KIF14: variants seen among roughly 807,000 people sequenced by gnomAD.
KIF14 encodes the protein kinesin-like protein KIF14.
Under a neutral mutation model 176.2 loss-of-function variants are expected in KIF14, and 98 were observed. The ratio of observed to expected loss-of-function variants is 0.56; its 90% CI spans 0.47 to 0.66. The LOEUF (loss-of-function observed/expected upper bound fraction) is 0.66. KIF14 is among the 30% of genes least tolerant of loss of function. The probability of loss-of-function intolerance (pLI) is 0.00; values close to 1 mark genes in which losing one functional copy is unlikely to be tolerated. For synonymous variants in KIF14, 566 were observed against 632.2 expected, an observed-to-expected ratio of 0.90 and a Z score of 1.57; for missense variants, 1,751 against 1,920.4, an observed-to-expected ratio of 0.91 and a Z score of 1.65.
chr1:200,560,798 A>C lies in KIF14; in HGVS notation c.4154T>G (p.Val1385Gly), dbSNP rs1192031469. ...IQIVQQAVKY[V>G]GQLAVLKGSK... ...CCCTTTCAGAACTGCTAACTGCCCC[A>C]CATACTTTACAGCTTGTTGTACAAT... Residue 1385 changes from valine to glycine, a missense_variant, in exon 26 of 30, where the codon GTG (valine) becomes GGG (glycine). Coordinates refer to ENST00000367350, the MANE Select transcript of KIF14 (RefSeq NM_014875.3). The C allele has an allele frequency of 6.2e-7, 1 of 1,614,158 alleles. No homozygotes were observed.
chr1:200,618,655 A>AT lies in KIF14; in HGVS notation c.68dup (p.Asn23LysfsTer2). 6.2e-7 allele frequency: 1 copy of AT among 1,613,742 alleles called. No individual in the cohort carries two copies. The highest frequency in any genetic ancestry group is 1.7e-5 in the Admixed American group (1 of 60,018). On this transcript the variant is annotated frameshift_variant, in exon 2 of 30. Coordinates refer to ENST00000367350, the MANE Select transcript of KIF14 (RefSeq NM_014875.3). LOFTEE classifies it high-confidence loss of function. ...GGGTGAGGGCATTCAGTGATGAACTATTTTGGGAAGAAGGAATATCAAGAA... is the reference window on the plus strand; with the variant it reads ...GGGTGAGGGCATTCAGTGATGAACTATTTTTGGGAAGAAGGAATATCAAGAA...
chr1:200,619,418 C>A (rs1165124140), intron 1 of KIF14, among the ~76,000 whole-genome samples: 1 of 151,892 alleles, frequency 6.6e-6, no homozygotes, highest in Non-Finnish European at 1.5e-5. Flanking sequence ...AGTGGCACGA[C>A]CTTGGCTTGC....
intron 4 of KIF14, among the ~76,000 whole-genome samples, chr1:200,610,855 T>G (rs1039507721): frequency 6.6e-6 from 1 of 152,028 alleles, no homozygotes; most frequent in Admixed American, 6.6e-5. Context: ...ATGTGAGGCA[T>G]GAGAGACAGA....
chr1:200,612,479 A>G (rs1660203110), intron 4 of KIF14, among the ~76,000 whole-genome samples: 1 of 152,180 alleles, frequency 6.6e-6, no homozygotes, highest in African/African-American at 2.4e-5. Context: ...TGGAGAGCCA[A>G]TAGAGAACTC....
chr1:200,590,610 G>A (rs1303128299), intron 16 of KIF14, among the ~76,000 whole-genome samples: 1 of 152,134 alleles, frequency 6.6e-6, no homozygotes, highest in South Asian at 2.1e-4. Context: ...TAAAAAAGAA[G>A]GTTAGTGGAT....
Position 200,565,464 on chromosome 1 carries a change from A to T in KIF14, c.3867T>A (p.Asp1289Glu). ...GCTTACAGTTATCTTGACTTTCTTC[A>T]TCTTGTTCTTCATGAGCCTTGGAAA... is the stretch of plus-strand genomic sequence containing the variant. ...FAISKAHEEQ[D>E]EESQDNLFSS... Residue 1289 changes from aspartate (D) to glutamate (E), a missense_variant, in exon 24 of 30, where the codon GAT becomes GAA. Physicochemically the swap from Asp to Glu is conservative, Grantham distance 45. Coordinates refer to ENST00000367350, the MANE Select transcript of KIF14 (RefSeq NM_014875.3). 6.3e-7 allele frequency: 1 copy of T among 1,594,312 alleles called. No homozygotes were observed. Among genetic ancestry groups the T allele is most frequent in the South Asian group, 1.2e-5 (1 of 86,826 alleles).
At chr1:200,608,974 C>A (rs1335089912) in intron 4 of KIF14, 46 bp from the exon 5 acceptor site, 1 of 1,088,422 alleles carries the variant, frequency 9.2e-7, no homozygotes, top group African/African-American at 1.6e-5. Context: ...TGATGTTTTG[C>A]AAATCATATC....
chr1:200,565,238 C>T lies in KIF14; in HGVS notation c.3902G>A (p.Arg1301Gln), dbSNP rs751264474. 13 of 1,594,982 alleles carry T rather than the reference C, an allele frequency of 8.2e-6. No individual in the cohort carries two copies. The highest frequency in any genetic ancestry group is 1.7e-4 in the Middle Eastern group (1 of 5,980). The change falls in exon 25 of 30, where the codon CGA becomes CAA. Residue 1301 changes from arginine to glutamine, a missense_variant. Arg to Gln is a conservative substitution (Grantham distance 43). Transcript: ENST00000367350. Reference protein sequence around the residue: ...ESQDNLFSSDRAIQSLTIQTA... With the variant: ...ESQDNLFSSDQAIQSLTIQTA... ...CTGAATAGTAAGTGACTGGATTGCT[C>T]GATCAGAAGAAAACACTTTGAAAGA...
At chr1:200,606,510 A>C (rs1659885771) in intron 6 of KIF14, among the ~76,000 whole-genome samples, 1 of 152,226 alleles carries the variant, frequency 6.6e-6, no homozygotes, top group African/African-American at 2.4e-5. Flanking sequence ...TCCATGGCAG[A>C]CACTTTACAG....
At chr1:200,599,420 T>C (rs1659519480) in intron 13 of KIF14, among the ~76,000 whole-genome samples, 1 of 152,222 alleles carries the variant, frequency 6.6e-6, no homozygotes, top group African/African-American at 2.4e-5. Context: ...TCCTTTTCTC[T>C]TCCTATTAAA....
intron 10 of KIF14, among the ~76,000 whole-genome samples, chr1:200,602,887 T>G (rs773199607): frequency 6.6e-6 from 1 of 152,224 alleles, no homozygotes; most frequent in African/African-American, 2.4e-5. Context: ...CAGCCACAAA[T>G]AATAGTTAAG....
chr1:200,578,710 TC>T, intron 21 of KIF14, among the ~76,000 whole-genome samples: 1 of 151,940 alleles, frequency 6.6e-6, no homozygotes, highest in East Asian at 1.9e-4. Flanking sequence ...GATGATATAA[TC>T]AGGAAAAAAG....
rs530278478 is a variant in KIF14, at chr1:200,575,146, C to T, written c.3566+445G>A. 2.6e-5 allele frequency among the ~76,000 whole-genome samples: 4 copies of T among 151,792 alleles called. No homozygotes were observed. The East Asian group carries it at 5.8e-4, about 22-fold the overall frequency. ...TAATTTTTTGTATTTTTGGTAGAGACGGGGTTTCACCGTGTTAGCCAGGAT... is the reference window on the plus strand; with the variant it reads ...TAATTTTTTGTATTTTTGGTAGAGATGGGGTTTCACCGTGTTAGCCAGGAT... On this transcript the variant is annotated intron_variant, in intron 22 of 29. Coordinates refer to ENST00000367350, the MANE Select transcript of KIF14 (RefSeq NM_014875.3).
chr1:200,599,978 G>A, intron 13 of KIF14, 72 bp downstream of exon 13: 1 of 857,232 alleles, frequency 1.2e-6, no homozygotes, highest in Non-Finnish European at 1.9e-6. Context: ...ACATGCATTG[G>A]CATATTGGCA....
Position 200,618,033 on chromosome 1 carries a change from TAAC to T in KIF14, c.688_690del (p.Val230del). The T allele has an allele frequency of 6.2e-7, 1 of 1,614,216 alleles. No homozygotes were observed. Among genetic ancestry groups the T allele is most frequent in the Non-Finnish European group, 8.5e-7 (1 of 1,180,020 alleles). On this transcript the variant is annotated inframe_deletion, in exon 2 of 30. Transcript: ENST00000367350. ...GGTTTCGTTGTCAAGTGTCCTGATC[TAAC>T]AACTTCAGTCTGACTCAGGGAAGCA... is the stretch of plus-strand genomic sequence containing the variant.
intron 22 of KIF14, among the ~76,000 whole-genome samples, chr1:200,570,782 C>T (rs1444032282): frequency 6.6e-6 from 1 of 152,184 alleles, no homozygotes; most frequent in Admixed American, 6.5e-5. Context: ...TCAAGGGGTA[C>T]ATGTGCAGGT....
intron 27 of KIF14, among the ~76,000 whole-genome samples, chr1:200,556,892 T>C (rs1324401414): frequency 1.3e-5 from 2 of 152,240 alleles, no homozygotes; most frequent in African/African-American, 4.8e-5. Context: ...TTCTTCAAAG[T>C]TGCACTATGG....
intron 21 of KIF14, among the ~76,000 whole-genome samples, chr1:200,577,584 C>G (rs1293689609): frequency 6.6e-6 from 1 of 151,958 alleles, no homozygotes. Context: ...ATCACAAGGT[C>G]AGGAGATTGA....
At chr1:200,606,681 G>A in intron 6 of KIF14, 65 bp downstream of exon 6, 8 of 1,315,392 alleles carry the variant, frequency 6.1e-6, no homozygotes, top group Non-Finnish European at 6.6e-6. Flanking sequence ...AAAGATTATG[G>A]GAGAGTAACA....
Sources: allele counts gnomAD v4.1 joint callset (sites outside exome capture counted in the v4.1 genomes callset), GRCh38; gene constraint gnomAD v4.1.1; transcripts MANE v1.5; gene names NCBI Gene and HGNC (gene_info 2026-07-23, HGNC 2026-07-21).